CCK: variants seen among roughly 807,000 people sequenced by gnomAD.
The protein encoded by CCK is cholecystokinin, also known as cholecystokinin triacontatriapeptide.
A neutral mutation model predicts 10.1 loss-of-function variants in CCK; 11 were observed. The ratio of observed to expected loss-of-function variants is 1.09; its 90% CI spans 0.69 to 1.81. The LOEUF (loss-of-function observed/expected upper bound fraction) is 1.81, where lower values mean the gene tolerates loss of function less well. Among genes scored for constraint, CCK ranks in the 40% most tolerant of loss-of-function variants. The pLI is 0.00. For synonymous variants in CCK, 83 were observed against 71.9 expected (o/e 1.15, Z -0.78); for missense variants, 137 against 159.9 (o/e 0.86, Z 0.77).
In CCK at chr3:42,257,954, C is replaced by T; in HGVS notation, c.*144G>A. On this transcript the variant is annotated 3_prime_UTR_variant, in exon 5 of 5. Transcript: ENST00000396169. ...GTTGCACTGGACAATCTTACAGACA[C>T]ATTTTTCACATTGAGAACTTAATAA... 5 of 848,590 alleles carry T rather than the reference C, an allele frequency of 5.9e-6. No homozygotes were observed. The highest frequency in any genetic ancestry group is 8.9e-6 in the Non-Finnish European group (5 of 559,426). 52.6% of individuals were successfully genotyped at this position (848,590 alleles called of 1,614,324 possible).
chr3:42,258,203 C>G lies in CCK; in HGVS notation c.243G>C (p.Lys81Asn), dbSNP rs765129966. The G allele has an allele frequency of 1.9e-6, 3 of 1,613,972 alleles. No homozygotes were observed. In the African/African-American group the frequency reaches 4.0e-5, roughly 22 times the overall value. ...GGCTGGGGTCCAGGTTCTGCAGGTTCTTAACGATGGACATTCGTCCAGAAG... is the reference window on the plus strand; with the variant it reads ...GGCTGGGGTCCAGGTTCTGCAGGTTGTTAACGATGGACATTCGTCCAGAAG... ...KAPSGRMSIV[K>N]NLQNLDPSHR... The change falls in exon 5 of 5, where the codon AAG (lysine) becomes AAC (asparagine). Residue 81 changes from lysine to asparagine, a missense_variant. Coordinates refer to ENST00000396169, the MANE Select transcript of CCK (RefSeq NM_000729.6).
At chr3:42,259,651 T>A (rs1176898167) in intron 4 of CCK, among the ~76,000 whole-genome samples, 2 of 152,198 alleles carry the variant, frequency 1.3e-5, no homozygotes, top group African/African-American at 4.8e-5. Flanking sequence ...CCCATTGGGA[T>A]GGAAGTTAAG....
At chr3:42,264,084 A>G (rs1157274504) in intron 3 of CCK, 1 of 157,612 alleles carries the variant, frequency 6.3e-6, no homozygotes, top group African/African-American at 2.4e-5. Context: ...AGCTTTCAAT[A>G]TGGAAATACA....
chr3:42,259,005 A>G (rs572983930), intron 4 of CCK, among the ~76,000 whole-genome samples: 3 of 152,352 alleles, frequency 2.0e-5, no homozygotes, highest in South Asian at 4.2e-4. Context: ...CATTTACACC[A>G]TGGAGTACTA....
chr3:42,264,420 C>G (rs1711259135), intron 3 of CCK, among the ~76,000 whole-genome samples: 1 of 152,176 alleles, frequency 6.6e-6, no homozygotes, highest in Non-Finnish European at 1.5e-5. Context: ...CGCTGTGTAA[C>G]AGCTAGCAAA....
At chr3:42,258,253 G>A (rs776458583) in intron 4 of CCK, 22 bp from the exon 5 acceptor site, 1 of 1,605,874 alleles carries the variant, frequency 6.2e-7, no homozygotes, top group Non-Finnish European at 8.5e-7. Flanking sequence ...AGGGAGGAAG[G>A]AAACAGGGAC....
At chr3:42,264,344 G>C (rs1425752101) in intron 3 of CCK, among the ~76,000 whole-genome samples, 1 of 152,162 alleles carries the variant, frequency 6.6e-6, no homozygotes, top group Non-Finnish European at 1.5e-5. Context: ...GCAGTATTTA[G>C]AAAATGAATT....
Position 42,265,914 on chromosome 3 carries a change from C to A in CCK, c.-613G>T. On this transcript the variant is annotated 5_prime_UTR_variant, in exon 1 of 5. An upstream open reading frame in the 5' UTR gains an earlier in-frame stop. Transcript: ENST00000396169. ...TGCTGGTGCTTGAGTTCGCCGCGTC[C>A]CTGCAAAGGCACTGCCAACCCCATT... 1 of 152,446 alleles carries A rather than the reference C, an allele frequency of 6.6e-6. No homozygotes were observed. 9.4% of individuals were successfully genotyped at this position (152,446 alleles called of 1,614,324 possible).
intron 4 of CCK, among the ~76,000 whole-genome samples, chr3:42,259,204 G>A (rs1006614359): frequency 1.3e-5 from 2 of 152,030 alleles, no homozygotes; most frequent in African/African-American, 4.8e-5. Context: ...GCCTATCGGG[G>A]GGTGGGGGTT....
chr3:42,260,879 G>T (rs1711200854), intron 4 of CCK, among the ~76,000 whole-genome samples: 1 of 152,222 alleles, frequency 6.6e-6, no homozygotes, highest in South Asian at 2.1e-4. Context: ...AAGCTGAATG[G>T]CTTCCAGGCC....
chr3:42,258,162 C>T lies in CCK; in HGVS notation c.284G>A (p.Arg95Gln), dbSNP rs373098397. 24 of 1,614,008 alleles carry T rather than the reference C, an allele frequency of 1.5e-5. No individual in the cohort carries two copies. The highest frequency in any genetic ancestry group is 2.2e-5 in the East Asian group (1 of 44,886). ...AAAATCCATCCAGCCCATGTAGTCC[C>T]GGTCACTTATCCTGTGGCTGGGGTC... is the stretch of plus-strand genomic sequence containing the variant. ...NLDPSHRISDRDYMGWMDFGR... is the reference protein window; with the variant it reads ...NLDPSHRISDQDYMGWMDFGR... Residue 95 changes from arginine to glutamine, a missense_variant, in exon 5 of 5, where the codon CGG (arginine) becomes CAG (glutamine). Arg to Gln is a conservative substitution (Grantham distance 43). Coordinates refer to ENST00000396169, the MANE Select transcript of CCK (RefSeq NM_000729.6).
chr3:42,258,888 A>G (rs1231814592), intron 4 of CCK, among the ~76,000 whole-genome samples: 1 of 152,244 alleles, frequency 6.6e-6, no homozygotes, highest in Non-Finnish European at 1.5e-5. Context: ...ATTCTGCTAT[A>G]AAGACACATG....
chr3:42,259,995 A>G (rs966134837), intron 4 of CCK, among the ~76,000 whole-genome samples: 4 of 152,134 alleles, frequency 2.6e-5, no homozygotes, highest in Admixed American at 6.5e-5. Context: ...GCCAGCTCCT[A>G]CCCATAGGCT....
Position 42,258,104 on chromosome 3 carries a change from G to A in CCK, c.342C>T (p.Pro114=). 1.2e-6 allele frequency: 2 copies of A among 1,613,168 alleles called. No homozygotes were observed. The highest frequency in any genetic ancestry group is 1.3e-5 in the African/African-American group (1 of 75,004). Residue 114 remains proline (P), a synonymous_variant, in exon 5 of 5, where the codon CCC becomes CCT. Transcript: ENST00000396169. The part of the protein sequence containing the change: ...GRRSAEEYEY[P]S ...CTGATGGCGGCTGGGTCCTCTAGGA[G>A]GGGTACTCATACTCCTCGGCACTGC...
chr3:42,257,955 A>G lies in CCK; in HGVS notation c.*143T>C, dbSNP rs1274307325. ...TTGCACTGGACAATCTTACAGACAC[A>G]TTTTTCACATTGAGAACTTAATAAA... On this transcript the variant is annotated 3_prime_UTR_variant, in exon 5 of 5. Transcript: ENST00000396169. The G allele has an allele frequency of 1.2e-6, 1 of 869,050 alleles. No homozygotes were observed. 53.8% of individuals were successfully genotyped at this position (869,050 alleles called of 1,614,324 possible). A position where few individuals can be genotyped will look rare whatever the true frequency, so the allele number is the denominator to read the frequency against.
chr3:42,261,152 G>T (rs1339966775), intron 4 of CCK, among the ~76,000 whole-genome samples: 7 of 152,092 alleles, frequency 4.6e-5, no homozygotes, highest in Admixed American at 4.6e-4. Context: ...TTCTTCTTGG[G>T]CCATTGAAAG....
chr3:42,259,785 G>T (rs1428918180), intron 4 of CCK, among the ~76,000 whole-genome samples: 3 of 152,176 alleles, frequency 2.0e-5, no homozygotes, highest in Non-Finnish European at 4.4e-5. Flanking sequence ...GCCTCCTGGG[G>T]TATGAAATCA....
chr3:42,264,090 A>G (rs1711255061), intron 3 of CCK: 1 of 157,014 alleles, frequency 6.4e-6, no homozygotes, highest in Admixed American at 6.5e-5. Flanking sequence ...CAATATGGAA[A>G]TACAGTAAAT....
chr3:42,263,541 G>C lies in CCK; in HGVS notation c.90C>G (p.Gly30=). ...TQPVPPADPA[G]SGLQRAEEAP... is the part of the protein sequence containing the mutation. ...CCTCCTCTGCCCGCTGCAGCCCGGA[G>C]CCCGCGGGATCTGCGGGAGGCACCG... is the stretch of plus-strand genomic sequence containing the variant. Residue 30 remains glycine, a synonymous_variant, in exon 4 of 5, where the codon GGC becomes GGG. Coordinates refer to ENST00000396169, the MANE Select transcript of CCK (RefSeq NM_000729.6). The C allele has an allele frequency of 6.2e-7, 1 of 1,612,774 alleles. No homozygotes were observed.
Sources: gnomAD v4.1 joint callset for allele counts (sites outside exome capture counted in the v4.1 genomes callset) on GRCh38, gnomAD v4.1.1 for gene constraint, MANE v1.5 for transcripts, NCBI Gene and HGNC (gene_info 2026-07-23, HGNC 2026-07-21) for gene names.